The following DCP2 variants were observed in gnomAD, a reference collection of about 807,000 sequenced individuals.
The protein encoded by DCP2 is m7GpppN-mRNA hydrolase.
In DCP2, 30 loss-of-function variants were observed where a neutral mutation model predicts 56.1. The observed-to-expected ratio is 0.53, with a 90% confidence interval of 0.40 to 0.73. DCP2 has a LOEUF of 0.73. Ranked by LOEUF, DCP2 falls within the 30% of genes least tolerant of loss-of-function variation. The pLI is 0.00. For synonymous variants in DCP2, 197 were observed against 163.3 expected (o/e 1.21, Z -1.57); for missense variants, 533 against 502.7 (o/e 1.06, Z -0.58).
chr5:112,987,495 C>G (rs1748349613), intron 2 of DCP2, among the ~76,000 whole-genome samples: 1 of 152,044 alleles, frequency 6.6e-6, no homozygotes, highest in Non-Finnish European at 1.5e-5. Flanking sequence ...CTTTGTTGAC[C>G]AGGCTGGAGT....
intron 2 of DCP2, among the ~76,000 whole-genome samples, chr5:112,987,962 G>A (rs921752253): frequency 2.6e-5 from 4 of 152,040 alleles, no homozygotes; most frequent in South Asian, 2.1e-4. Context: ...ATGTTTAATG[G>A]ATTTGTACCC....
chr5:112,997,724 C>T (rs1217941879), intron 4 of DCP2, among the ~76,000 whole-genome samples: 1 of 151,760 alleles, frequency 6.6e-6, no homozygotes, highest in African/African-American at 2.4e-5. Flanking sequence ...AAGTGATTCT[C>T]CTGTCTCAGC....
At chr5:112,996,815 A>G (rs1748878134) in intron 4 of DCP2, among the ~76,000 whole-genome samples, 1 of 152,366 alleles carries the variant, frequency 6.6e-6, no homozygotes, top group Non-Finnish European at 1.5e-5. Flanking sequence ...ATTCAGTGAA[A>G]TAGATTTAGG....
At chr5:113,012,267 A>G (rs1462404609) in intron 10 of DCP2, among the ~76,000 whole-genome samples, 3 of 152,286 alleles carry the variant, frequency 2.0e-5, no homozygotes, top group Middle Eastern at 3.4e-3. Flanking sequence ...GGCTGAGGCA[A>G]AAAGGTCACT....
chr5:113,006,178 A>G (rs927798982), intron 8 of DCP2, among the ~76,000 whole-genome samples: 1 of 152,036 alleles, frequency 6.6e-6, no homozygotes, highest in Non-Finnish European at 1.5e-5. Context: ...CCTCGAGGAC[A>G]TTATGCTAAG....
At chr5:113,013,195 A>G (rs1055044021) in intron 10 of DCP2, 126 bp from the exon 11 acceptor site, 1 of 926,204 alleles carries the variant, frequency 1.1e-6, no homozygotes, top group Admixed American at 3.2e-5. Context: ...GGTTCTGTTT[A>G]GGGTTAGAGT....
intron 8 of DCP2, among the ~76,000 whole-genome samples, chr5:113,006,541 C>T (rs1436855076): frequency 1.3e-5 from 2 of 152,158 alleles, no homozygotes; most frequent in Non-Finnish European, 2.9e-5. Flanking sequence ...ACATCACTTA[C>T]TTAGGTTATT....
rs926405013 is a variant in DCP2 at position 113,002,643 on chromosome 5, C to T, written c.806+969C>T. Among the ~76,000 whole-genome samples, 2 of 152,138 alleles carry T rather than the reference C, an allele frequency of 1.3e-5. 1 individual carries two copies. Among genetic ancestry groups the T allele is most frequent in the Middle Eastern group, 6.8e-3 (2 of 294 alleles). ...TCAAGTAATCATCCCACTTAGTTTC[C>T]TGAGTCACTGGGAACACAGGCAGAT... On this transcript the variant is annotated intron_variant, in intron 7 of 10. Transcript: ENST00000389063.
intron 1 of DCP2, among the ~76,000 whole-genome samples, chr5:112,979,105 A>G (rs1747873463): frequency 6.7e-6 from 1 of 149,540 alleles, no homozygotes; most frequent in African/African-American, 2.5e-5. Context: ...AGTGTTAAAG[A>G]TAGTTGGTTT....
intron 2 of DCP2, among the ~76,000 whole-genome samples, chr5:112,991,743 C>T (rs1466015119): frequency 2.0e-5 from 3 of 152,096 alleles, no homozygotes; most frequent in Non-Finnish European, 2.9e-5. Context: ...TATATAACTA[C>T]CTGGCATTAT....
At chr5:112,989,797 G>T (rs752583744) in intron 2 of DCP2, among the ~76,000 whole-genome samples, 10 of 152,176 alleles carry the variant, frequency 6.6e-5, no homozygotes, top group Non-Finnish European at 5.9e-5. Flanking sequence ...TGAACTGGGG[G>T]AAGGCAAGAT....
intron 9 of DCP2, among the ~76,000 whole-genome samples, chr5:113,009,147 C>T (rs1045812409): frequency 2.6e-5 from 4 of 152,136 alleles, no homozygotes; most frequent in Admixed American, 2.6e-4. Flanking sequence ...TCCCGGCCGA[C>T]AGATAACTTA....
rs61532290 is a variant in DCP2 at position 113,021,386 on chromosome 5, C to CAA, written c.*7919_*7920dup. 1.4e-3 allele frequency among the ~76,000 whole-genome samples: 153 copies of CAA among 105,546 alleles called. No individual in the cohort carries two copies. The highest frequency in any genetic ancestry group is 2.8e-3 in the African/African-American group (89 of 31,978). The allele number at this position is 105,546 out of a possible 152,430, so 69.2% of individuals were successfully genotyped here. A position where few individuals can be genotyped will look rare whatever the true frequency, so the allele number is the denominator to read the frequency against. ...CTGTCTGGAAAAAACAAAAAACAAC[C>CAA]AAAAAAAAAAAAAAAAAACCCCCAG... On this transcript the variant is annotated 3_prime_UTR_variant, in exon 11 of 11. Coordinates refer to ENST00000389063, the MANE Select transcript of DCP2 (RefSeq NM_152624.6).
intron 4 of DCP2, among the ~76,000 whole-genome samples, chr5:112,994,198 G>T (rs1215632632): frequency 7.6e-6 from 1 of 132,044 alleles, no homozygotes; most frequent in Non-Finnish European, 1.6e-5. Flanking sequence ...TAAAGACAGG[G>T]TCTTGCTCTG....
chr5:112,993,760 C>G (rs1748708404), intron 4 of DCP2, among the ~76,000 whole-genome samples: 1 of 151,904 alleles, frequency 6.6e-6, no homozygotes, highest in Non-Finnish European at 1.5e-5. Context: ...ATCCCTTTTC[C>G]CTGAAGGACT....
rs780532313 is a variant in DCP2, at chr5:112,976,873, G to C, written c.-61G>C. 1.3e-6 allele frequency: 2 copies of C among 1,567,584 alleles called. No individual in the cohort carries two copies. Among genetic ancestry groups the C allele is most frequent in the East Asian group, 2.2e-5 (1 of 44,636 alleles). On this transcript the variant is annotated 5_prime_UTR_variant, in exon 1 of 11. Coordinates refer to ENST00000389063, the MANE Select transcript of DCP2 (RefSeq NM_152624.6). ...TCCGGCGAGCCGGAGTCCTAGTGCC[G>C]TACCGTCAGTCCCCGGCCGCGCGGA...
rs138824532 is a variant in DCP2, at chr5:112,978,414, T to C, written c.53+1428T>C. On this transcript the variant is annotated intron_variant, in intron 1 of 10. Transcript: ENST00000389063. ...AGATTCAGGAACTTTGTAATTTACA[T>C]AAGGTCACATTCATCCTAATTCACA... Among the ~76,000 whole-genome samples, 612 of 152,352 alleles carry C rather than the reference T, an allele frequency of 4.0e-3. 4 individuals are homozygous for C. The highest frequency in any genetic ancestry group is 0.014 in the African/African-American group (589 of 41,568).
At chr5:112,985,697 TATTA>T in intron 1 of DCP2, 134 bp from the exon 2 acceptor site, 1 of 852,434 alleles carries the variant, frequency 1.2e-6, no homozygotes, top group Non-Finnish European at 1.7e-6. Context: ...TTCTCTCAAA[TATTA>T]ATTGCTTCCT....
rs534946688 is a variant in DCP2 at position 113,016,494 on chromosome 5, A to T, written c.*3010A>T. On this transcript the variant is annotated 3_prime_UTR_variant, in exon 11 of 11. Coordinates refer to ENST00000389063, the MANE Select transcript of DCP2 (RefSeq NM_152624.6). ...ATTAGTAAGTATAGCTAATGAAGAC[A>T]TATAATGAAAGTAATTTTATGCTGT... The T allele has an allele frequency of 6.6e-5, 10 of 152,372 alleles. No individual in the cohort carries two copies. The highest frequency in any genetic ancestry group is 2.1e-4 in the South Asian group (1 of 4,828). 9.4% of individuals were successfully genotyped at this position (152,372 alleles called of 1,614,324 possible).
Sources: allele counts gnomAD v4.1 joint callset (sites outside exome capture counted in the v4.1 genomes callset), GRCh38; gene constraint gnomAD v4.1.1; transcripts MANE v1.5; gene names NCBI Gene and HGNC (gene_info 2026-07-23, HGNC 2026-07-21).